MINDY4: variants seen among roughly 807,000 people sequenced by gnomAD.
MINDY4 encodes MINDY lysine 48 deubiquitinase 4.
Under a neutral mutation model 87.0 loss-of-function variants are expected in MINDY4, and 68 were observed. The ratio of observed to expected loss-of-function variants is 0.78; its 90% CI spans 0.64 to 0.96. The LOEUF (loss-of-function observed/expected upper bound fraction) is 0.96, where lower values mean the gene tolerates loss of function less well. MINDY4 is among the 40% of genes least tolerant of loss of function. The pLI is 0.00. For missense variants in MINDY4, 919 were observed against 928.2 expected (o/e 0.99, Z 0.13); for synonymous variants, 379 against 363.2 (o/e 1.04, Z -0.50).
chr7:30,839,701 A>G (rs12672329), intron 8 of MINDY4, among the ~76,000 whole-genome samples: 5,723 of 152,134 alleles, frequency 0.038, 156 homozygotes, highest in East Asian at 0.11. Flanking sequence ...AGCTGGAGAA[A>G]GGGCACTCCA....
At chr7:30,848,213 C>T (rs568919862) in intron 9 of MINDY4, among the ~76,000 whole-genome samples, 58 of 152,314 alleles carry the variant, frequency 3.8e-4, no homozygotes, top group African/African-American at 7.9e-4. Flanking sequence ...TTTTGTGTAA[C>T]GTCTATCCAT....
At chr7:30,791,800 C>CAA (rs1787332268) in intron 5 of MINDY4, among the ~76,000 whole-genome samples, 1 of 152,156 alleles carries the variant, frequency 6.6e-6, no homozygotes, top group Admixed American at 6.5e-5. Flanking sequence ...CAGGGGTGTC[C>CAA]AACCTTTTGG....
At chr7:30,800,170 A>C (rs1485905615) in intron 5 of MINDY4, among the ~76,000 whole-genome samples, 1 of 152,188 alleles carries the variant, frequency 6.6e-6, no homozygotes, top group African/African-American at 2.4e-5. Context: ...CCTCCATGTC[A>C]GTTCTCATGG....
At chr7:30,887,818 G>A (rs1390159884) in intron 17 of MINDY4, among the ~76,000 whole-genome samples, 3 of 152,224 alleles carry the variant, frequency 2.0e-5, no homozygotes, top group Non-Finnish European at 4.4e-5. Context: ...TCTGCAAAGA[G>A]GAATCTGGAT....
At position 30,791,251 on chromosome 7, in the gene MINDY4, G is replaced by A. The variant is rs376449663; in HGVS notation, c.750G>A (p.Glu250=). Residue 250 remains glutamate (E), a synonymous_variant, in exon 5 of 18, where the codon GAG becomes GAA. Transcript: ENST00000265299. The stretch of plus-strand genomic sequence containing the variant: ...AAGAAGAGAGCCGGAAGGTCCCTGA[G>A]CTCTTTGTCTGCACCCAACAGGACA... ...QPQEESRKVP[E]LFVCTQQDIL... The A allele has an allele frequency of 9.3e-6, 15 of 1,614,022 alleles. No homozygotes were observed. Among genetic ancestry groups the A allele is most frequent in the Non-Finnish European group, 1.3e-5 (15 of 1,180,040 alleles).
At chr7:30,784,173 C>G (rs949858703) in intron 3 of MINDY4, among the ~76,000 whole-genome samples, 4 of 151,878 alleles carry the variant, frequency 2.6e-5, no homozygotes, top group Non-Finnish European at 5.9e-5. Context: ...GCTCTTCCTC[C>G]GAGGCACTTA....
rs202006369 is a variant in MINDY4, at chr7:30,791,593, G to C, written c.1073+19G>C. ...CTGTCAGGTGAGTGTGCTATGCAAA[G>C]GTGACGGCTTTTCAAAAAGAAGCTC... On this transcript the variant is annotated intron_variant, in intron 5 of 17. Coordinates refer to ENST00000265299, the MANE Select transcript of MINDY4 (RefSeq NM_032222.3). 2.6e-4 allele frequency: 414 copies of C among 1,574,962 alleles called. No homozygotes were observed. The highest frequency in any genetic ancestry group is 3.1e-4 in the Non-Finnish European group (357 of 1,160,148).
chr7:30,839,430 C>G (rs1325553062), intron 8 of MINDY4, 114 bp downstream of exon 8: 2 of 610,848 alleles, frequency 3.3e-6, no homozygotes, highest in South Asian at 2.7e-5. Context: ...TATTCTGGAC[C>G]AGCCAGCCCC....
At chr7:30,800,263 T>C (rs550017147) in intron 5 of MINDY4, among the ~76,000 whole-genome samples, 1 of 152,170 alleles carries the variant, frequency 6.6e-6, no homozygotes, top group Non-Finnish European at 1.5e-5. Flanking sequence ...CTTAGATGCA[T>C]TGGATGCCCT....
intron 10 of MINDY4, 50 bp downstream of exon 10, chr7:30,850,605 C>A: frequency 1.3e-6 from 2 of 1,520,600 alleles, no homozygotes; most frequent in African/African-American, 2.8e-5. Context: ...CTGCTGGCAG[C>A]TGCCGGCAAG....
chr7:30,781,952 A>AT lies in MINDY4; in HGVS notation c.184-16dup, dbSNP rs146709199. 743 of 1,504,960 alleles carry AT rather than the reference A, an allele frequency of 4.9e-4. 1 individual carries two copies. Among genetic ancestry groups the AT allele is most frequent in the Non-Finnish European group, 5.3e-4 (579 of 1,088,466 alleles). The allele number at this position is 1,504,960 out of a possible 1,614,324, so 93.2% of individuals were successfully genotyped here. On this transcript the variant is annotated intron_variant, in intron 2 of 17. Transcript: ENST00000265299. ...CCCTGAAGCTGTATATAAATTAATGATTTTTTTTTCTCTCCCAATGATAGG... is the reference window on the plus strand; with the variant it reads ...CCCTGAAGCTGTATATAAATTAATGATTTTTTTTTTCTCTCCCAATGATAGG...
At chr7:30,840,704 C>A (rs935789392) in intron 8 of MINDY4, 56 bp from the exon 9 acceptor site, 3 of 1,568,552 alleles carry the variant, frequency 1.9e-6, no homozygotes, top group Admixed American at 1.7e-5. Context: ...TGGGTGAAAC[C>A]AAAAACTCTG....
At chr7:30,820,667 C>T (rs954230344) in intron 5 of MINDY4, among the ~76,000 whole-genome samples, 3 of 152,158 alleles carry the variant, frequency 2.0e-5, no homozygotes, top group East Asian at 1.9e-4. Flanking sequence ...AGCATGTATC[C>T]GTACCTCATT....
At chr7:30,860,041 C>T (rs1443346914) in intron 13 of MINDY4, among the ~76,000 whole-genome samples, 2 of 152,178 alleles carry the variant, frequency 1.3e-5, no homozygotes, top group Non-Finnish European at 2.9e-5. Context: ...GTGGAAAGTA[C>T]AGTCAATTGC....
intron 13 of MINDY4, among the ~76,000 whole-genome samples, chr7:30,869,574 C>T (rs897508587): frequency 6.3e-4 from 96 of 152,234 alleles, no homozygotes; most frequent in African/African-American, 2.2e-3. Flanking sequence ...TCACTGAGTC[C>T]TCACTTCATC....
At chr7:30,848,656 C>T (rs967611036) in intron 9 of MINDY4, among the ~76,000 whole-genome samples, 2 of 152,186 alleles carry the variant, frequency 1.3e-5, no homozygotes, top group Non-Finnish European at 2.9e-5. Flanking sequence ...GCCAGTGCTC[C>T]CAGCAGCTGG....
intron 5 of MINDY4, among the ~76,000 whole-genome samples, chr7:30,804,062 A>T (rs780321526): frequency 1.4e-4 from 21 of 152,192 alleles, no homozygotes; most frequent in Admixed American, 2.0e-4. Flanking sequence ...GTTTTCTCAA[A>T]TGGTGGCTGA....
intron 9 of MINDY4, among the ~76,000 whole-genome samples, chr7:30,841,177 C>T (rs553288926): frequency 2.0e-5 from 3 of 152,312 alleles, no homozygotes; most frequent in East Asian, 1.9e-4. Flanking sequence ...GCCGACCTTT[C>T]GACTGCGTCC....
chr7:30,877,822 CTTTTTTTTTTTTTTTTTT>C (rs60164229), intron 15 of MINDY4, among the ~76,000 whole-genome samples: 30 of 47,542 alleles, frequency 6.3e-4, no homozygotes, highest in Middle Eastern at 0.011. Flanking sequence ...CAGGGACATG[CTTTTTTTTTTTTTTTTTT>C]TTTTTTTTTT....
Sources: allele counts gnomAD v4.1 joint callset (sites outside exome capture counted in the v4.1 genomes callset), GRCh38; gene constraint gnomAD v4.1.1; transcripts MANE v1.5; gene names NCBI Gene and HGNC (gene_info 2026-07-23, HGNC 2026-07-21).